TCFL5: variants seen among roughly 807,000 people sequenced by gnomAD.
TCFL5 encodes transcription factor like 5.
Under a neutral mutation model 44.3 loss-of-function variants are expected in TCFL5, and 9 were observed. The observed-to-expected ratio is 0.20, with a 90% CI of 0.12 to 0.35. The LOEUF is 0.35. Among genes scored for constraint, TCFL5 ranks in the 10% least tolerant of loss-of-function variants. The pLI, the probability that TCFL5 is intolerant of heterozygous loss-of-function variation, is 1.00. For synonymous variants in TCFL5, 319 were observed against 271.6 expected (o/e 1.17, Z -1.72); for missense variants, 603 against 613.4 (o/e 0.98, Z 0.18).
At position 62,861,282 on chromosome 20, in the gene TCFL5, C is replaced by T; in HGVS notation, c.389G>A (p.Arg130His). The T allele has an allele frequency of 8.2e-7, 1 of 1,217,052 alleles. No individual in the cohort carries two copies. Among genetic ancestry groups the T allele is most frequent in the East Asian group, 5.8e-5 (1 of 17,234 alleles). 75.4% of individuals were successfully genotyped at this position (1,217,052 alleles called of 1,614,324 possible). ...CLGHIDFQEL[R>H]MMLLSEAGAA... is the part of the protein sequence containing the mutation. Reference sequence around the variant, plus strand: ...GCCCGCCTCGCTTAGCAGCATCATGCGCAGCTCCTGGAAGTCGATGTGGCC... The same window carrying T: ...GCCCGCCTCGCTTAGCAGCATCATGTGCAGCTCCTGGAAGTCGATGTGGCC... The change falls in exon 1 of 6, where the codon CGC (arginine) becomes CAC (histidine). Residue 130 changes from arginine to histidine, a missense_variant. By Grantham distance (29) the Arg-to-His change is conservative (BLOSUM62 0). This residue lies in a region of TCFL5 where 540 missense variants were observed against 478.7 expected (regional missense o/e 1.13). Coordinates refer to ENST00000335351, the MANE Select transcript of TCFL5 (RefSeq NM_006602.4). This position sits in a 1 kb window ranked among gnomAD's most constrained non-coding sequence, Gnocchi z 4.0.
intron 3 of TCFL5, among the ~76,000 whole-genome samples, chr20:62,858,427 G>A (rs955151079): frequency 1.3e-5 from 2 of 152,250 alleles, no homozygotes; most frequent in Non-Finnish European, 2.9e-5. Flanking sequence ...CACAGAGGCT[G>A]CTTTAATACT....
At position 62,861,032 on chromosome 20, in the gene TCFL5, C is replaced by G; in HGVS notation, c.639G>C (p.Ala213=). Reference sequence around the variant, plus strand: ...GGCCGCCGGGCACGCACTTGTTGAGCGCCCCGCCCGGCTCGGGGGGCTCGG... The same window carrying G: ...GGCCGCCGGGCACGCACTTGTTGAGGGCCCCGCCCGGCTCGGGGGGCTCGG... The part of the protein sequence containing the change: ...RGPEPPEPGG[A]LNNLVTLIRH... The change falls in exon 1 of 6, where the codon GCG becomes GCC. Residue 213 remains alanine, a synonymous_variant. Transcript: ENST00000335351. This position sits in a 1 kb window ranked among gnomAD's most constrained non-coding sequence, Gnocchi z 4.0. The G allele has an allele frequency of 1.0e-6, 1 of 994,258 alleles. No individual in the cohort carries two copies. Among genetic ancestry groups the G allele is most frequent in the Non-Finnish European group, 1.2e-6 (1 of 836,988 alleles). 61.6% of individuals were successfully genotyped at this position (994,258 alleles called of 1,614,324 possible). A position where few individuals can be genotyped will look rare whatever the true frequency, so the allele number is the denominator to read the frequency against.
In TCFL5 at chr20:62,861,350, G is replaced by C. The variant is rs1162780282; in HGVS notation, c.321C>G (p.Pro107=). The C allele has an allele frequency of 1.9e-6, 2 of 1,068,710 alleles. No homozygotes were observed. Among genetic ancestry groups the C allele is most frequent in the African/African-American group, 1.7e-5 (1 of 58,536 alleles). 66.2% of individuals were successfully genotyped at this position (1,068,710 alleles called of 1,614,324 possible). Reference sequence around the variant, plus strand: ...CCGCCAGCGCGGACGGGCACAGCACGGGGTACACGGGCGCCGCGCCCCCCT... The same window carrying C: ...CCGCCAGCGCGGACGGGCACAGCACCGGGTACACGGGCGCCGCGCCCCCCT... ...GGQGGAAPVY[P]VLCPSALAAD... Residue 107 remains proline (P), a synonymous_variant, in exon 1 of 6, where the codon CCC becomes CCG. Transcript: ENST00000335351. This position sits in a 1 kb window ranked among gnomAD's most constrained non-coding sequence, Gnocchi z 4.0.
chr20:62,845,794 G>C (rs770345980), intron 5 of TCFL5: 9 of 1,604,424 alleles, frequency 5.6e-6, no homozygotes, highest in Middle Eastern at 1.7e-4. Flanking sequence ...AATGGGGAAG[G>C]TGTGGCAATG....
chr20:62,842,314 T>C lies in TCFL5; in HGVS notation c.1381-217A>G, dbSNP rs149522272. On this transcript the variant is annotated intron_variant, in intron 5 of 5. Transcript: ENST00000335351. The surrounding 1 kb of genome is among the most constrained non-coding windows in gnomAD (Gnocchi z 4.3). ...TTTCAAATAGCAGTTACACTGTACA[T>C]GTACTTTTGTTTTTCCAATACTCAG... Among the ~76,000 whole-genome samples, 1 of 152,056 alleles carries C rather than the reference T, an allele frequency of 6.6e-6. No homozygotes were observed. Among genetic ancestry groups the C allele is most frequent in the Non-Finnish European group, 1.5e-5 (1 of 68,002 alleles).
rs1568772360 is a variant in TCFL5, at chr20:62,842,954, C to T, written c.1381-857G>A. On this transcript the variant is annotated intron_variant, in intron 5 of 5. Coordinates refer to ENST00000335351, the MANE Select transcript of TCFL5 (RefSeq NM_006602.4). The surrounding 1 kb of genome is among the most constrained non-coding windows in gnomAD (Gnocchi z 4.3). Reference sequence around the variant, plus strand: ...GCCAGCAGGGTGGGGGTGGGCTGAGCTTGCTCCTGTCACACCACCTGTCTT... The same window carrying T: ...GCCAGCAGGGTGGGGGTGGGCTGAGTTTGCTCCTGTCACACCACCTGTCTT... 6.6e-6 allele frequency among the ~76,000 whole-genome samples: 1 copy of T among 152,062 alleles called. No individual in the cohort carries two copies. Among genetic ancestry groups the T allele is most frequent in the Non-Finnish European group, 1.5e-5 (1 of 68,004 alleles).
At chr20:62,844,793 A>G in intron 5 of TCFL5, 8 of 792,648 alleles carry the variant, frequency 1.0e-5, no homozygotes, top group Non-Finnish European at 1.2e-5. Context: ...ACAGGGTTTC[A>G]CCATGTTGGC....
In TCFL5 at chr20:62,854,127, C is replaced by T. The variant is rs112392027; in HGVS notation, c.1269G>A (p.Leu423=). The part of the protein sequence containing the change: ...RRRIRICCDE[L]NLLVPFCNAE... ...CATTGCAGAACGGCACTAAGAGATT[C>T]AACTCATCACAGCAAATGCGGATTC... The change falls in exon 5 of 6, where the codon TTG becomes TTA. Residue 423 remains leucine, a synonymous_variant. Transcript: ENST00000335351. 4.5e-5 allele frequency: 72 copies of T among 1,614,078 alleles called. No homozygotes were observed. In the African/African-American group the frequency reaches 6.7e-4, roughly 15 times the overall value.
chr20:62,841,074 AATGAT>A lies in TCFL5; in HGVS notation c.*896_*900del, dbSNP rs1002174500. The A allele has an allele frequency of 1.9e-5, 5 of 260,184 alleles. No homozygotes were observed. Among genetic ancestry groups the A allele is most frequent in the Non-Finnish European group, 3.0e-5 (4 of 132,718 alleles). The allele number at this position is 260,184 out of a possible 1,614,324, so 16.1% of individuals were successfully genotyped here. A position where few individuals can be genotyped will look rare whatever the true frequency, so the allele number is the denominator to read the frequency against. ...AAAGACTATGATCTCATCCCAATAA[AATGAT>A]ATATTAAACCTTCAGATTAATGACT... On this transcript the variant is annotated 3_prime_UTR_variant, in exon 6 of 6. Coordinates refer to ENST00000335351, the MANE Select transcript of TCFL5 (RefSeq NM_006602.4).
rs1374902174 is a variant in TCFL5, at chr20:62,841,099, A to ATGAC, written c.*872_*875dup. 1 of 236,114 alleles carries ATGAC rather than the reference A, an allele frequency of 4.2e-6. No homozygotes were observed. Among genetic ancestry groups the ATGAC allele is most frequent in the African/African-American group, 2.3e-5 (1 of 43,190 alleles). The allele number at this position is 236,114 out of a possible 1,614,324, so 14.6% of individuals were successfully genotyped here. ...AATGATATATTAAACCTTCAGATTAATGACTGGCTACAGAGTAACAAAAAA... is the reference window on the plus strand; with the variant it reads ...AATGATATATTAAACCTTCAGATTAATGACTGACTGGCTACAGAGTAACAAAAAA... On this transcript the variant is annotated 3_prime_UTR_variant, in exon 6 of 6. Transcript: ENST00000335351.
chr20:62,855,493 G>A (rs915031749), intron 4 of TCFL5, among the ~76,000 whole-genome samples: 9 of 152,230 alleles, frequency 5.9e-5, no homozygotes, highest in Non-Finnish European at 1.0e-4. Context: ...CATGCCAGGC[G>A]CAGTGGCTCA....
Position 62,861,414 on chromosome 20 carries a change from C to T in TCFL5, c.257G>A (p.Gly86Asp), listed in dbSNP as rs765906992. Residue 86 changes from glycine to aspartate, a missense_variant, in exon 1 of 6, where the codon GGC becomes GAC. By Grantham distance (94) the Gly-to-Asp change is moderately conservative (BLOSUM62 -1). This residue lies in a region of TCFL5 where 540 missense variants were observed against 478.7 expected (regional missense o/e 1.13). Transcript: ENST00000335351. This position sits in a 1 kb window ranked among gnomAD's most constrained non-coding sequence, Gnocchi z 4.0. ...GAAGCCGCCCGCGCCTGCGCCCGGG[C>T]CCGCCGCCGCCAGCAGCGCCGAGTT... ...RLNSALLAAAGPGAGAGGFAA... is the reference protein window; with the variant it reads ...RLNSALLAAADPGAGAGGFAA... The T allele has an allele frequency of 7.1e-6, 8 of 1,120,876 alleles. No homozygotes were observed. The allele number at this position is 1,120,876 out of a possible 1,614,324, so 69.4% of individuals were successfully genotyped here.
At chr20:62,859,920 G>A (rs1229252480) in intron 2 of TCFL5, among the ~76,000 whole-genome samples, 1 of 152,012 alleles carries the variant, frequency 6.6e-6, no homozygotes, top group Non-Finnish European at 1.5e-5. Flanking sequence ...TGTTGGCCAG[G>A]CTAGTCTTGA....
chr20:62,845,077 C>T, intron 5 of TCFL5: 3 of 986,592 alleles, frequency 3.0e-6, no homozygotes, highest in South Asian at 9.4e-5. Context: ...CTACTGTGTG[C>T]ACTCAGAATC....
At chr20:62,852,615 G>A (rs2063825749) in intron 5 of TCFL5, 1 of 978,126 alleles carries the variant, frequency 1.0e-6, no homozygotes. Flanking sequence ...TAACACGCCG[G>A]CTCCTCCCTA....
chr20:62,849,642 T>C (rs1000275890), intron 5 of TCFL5, among the ~76,000 whole-genome samples: 4 of 151,876 alleles, frequency 2.6e-5, no homozygotes, highest in African/African-American at 7.3e-5. Flanking sequence ...CTGGGCAACA[T>C]AGCAAGACCC....
chr20:62,857,316 G>T lies in TCFL5; in HGVS notation c.1238+79C>A, dbSNP rs1347370506. Reference sequence around the variant, plus strand: ...TCCCTCTGAACGCAGAAACGGCTAAGGATCACTCATCTGTGATAACCATGT... The same window carrying T: ...TCCCTCTGAACGCAGAAACGGCTAATGATCACTCATCTGTGATAACCATGT... On this transcript the variant is annotated intron_variant, in intron 4 of 5. Transcript: ENST00000335351. 6 of 1,557,642 alleles carry T rather than the reference G, an allele frequency of 3.9e-6. No individual in the cohort carries two copies. In the African/African-American group the frequency reaches 6.8e-5, roughly 18 times the overall value.
rs1256190212 is a variant in TCFL5 at position 62,841,138 on chromosome 20, G to A, written c.*837C>T. On this transcript the variant is annotated 3_prime_UTR_variant, in exon 6 of 6. Transcript: ENST00000335351. ...AGTAACAAAAAATAAAGAATTTAATGTACAGTAAATTCTCTCCCATACAAA... is the reference window on the plus strand; with the variant it reads ...AGTAACAAAAAATAAAGAATTTAATATACAGTAAATTCTCTCCCATACAAA... The A allele has an allele frequency of 1.8e-5, 4 of 217,540 alleles. No individual in the cohort carries two copies. The highest frequency in any genetic ancestry group is 7.0e-5 in the African/African-American group (3 of 42,578). 13.5% of individuals were successfully genotyped at this position (217,540 alleles called of 1,614,324 possible).
At chr20:62,859,124 A>T (rs1015466135) in intron 3 of TCFL5, among the ~76,000 whole-genome samples, 2 of 152,258 alleles carry the variant, frequency 1.3e-5, no homozygotes, top group Non-Finnish European at 2.9e-5. Context: ...TACTGTTAAG[A>T]AAAAGCCCTC....
Sources: gnomAD v4.1 joint callset for allele counts (sites outside exome capture counted in the v4.1 genomes callset) on GRCh38, gnomAD v4.1.1 for gene constraint, gnomAD v4.1.1 regional missense constraint, Gnocchi (gnomAD v3.1) non-coding constraint, MANE v1.5 for transcripts, NCBI Gene and HGNC (gene_info 2026-07-23, HGNC 2026-07-21) for gene names.